SIPA1L2: variants seen among roughly 807,000 people sequenced by gnomAD.
The protein encoded by SIPA1L2 is signal-induced proliferation-associated 1-like protein 2.
Under a neutral mutation model 163.9 loss-of-function variants are expected in SIPA1L2, and 56 were observed. The ratio of observed to expected loss-of-function variants is 0.34; its 90% CI spans 0.28 to 0.43. The LOEUF (loss-of-function observed/expected upper bound fraction) is 0.43, where lower values mean the gene tolerates loss of function less well. SIPA1L2 is among the 20% of genes least tolerant of loss of function. SIPA1L2 has a pLI of 1.00. For missense variants in SIPA1L2, 1,974 were observed against 2,193.5 expected, an observed-to-expected ratio of 0.90 and a Z score of 2.00; for synonymous variants, 877 against 865.7, an observed-to-expected ratio of 1.01 and a Z score of -0.23.
intron 16 of SIPA1L2, among the ~76,000 whole-genome samples, chr1:232,430,510 A>C (rs1320778028): frequency 6.6e-6 from 1 of 152,260 alleles, no homozygotes; most frequent in Non-Finnish European, 1.5e-5. Flanking sequence ...GACACTAAAA[A>C]TATGATGTAC....
chr1:232,624,186 T>C (rs907969417), intron 1 of SIPA1L2, among the ~76,000 whole-genome samples: 3 of 152,146 alleles, frequency 2.0e-5, no homozygotes, highest in Non-Finnish European at 2.9e-5. Context: ...GGGATGCACG[T>C]TGAAAAAAGT....
At chr1:232,435,351 A>C (rs917322348) in intron 15 of SIPA1L2, among the ~76,000 whole-genome samples, 9 of 152,356 alleles carry the variant, frequency 5.9e-5, no homozygotes, top group African/African-American at 2.2e-4. Context: ...GTTAACTTGA[A>C]GAACAAATGT....
intron 2 of SIPA1L2, among the ~76,000 whole-genome samples, chr1:232,558,105 A>G (rs789651): frequency 2.0e-5 from 3 of 152,098 alleles, no homozygotes; most frequent in African/African-American, 7.2e-5. Flanking sequence ...TTTATCTCAC[A>G]CAGTGAAACC....
chr1:232,591,509 G>C (rs1660957285), intron 1 of SIPA1L2, among the ~76,000 whole-genome samples: 1 of 152,256 alleles, frequency 6.6e-6, no homozygotes, highest in South Asian at 2.1e-4. Flanking sequence ...GCTGCCTCTG[G>C]CTGGTCTCCA....
At chr1:232,595,947 AT>A (rs1195170379) in intron 1 of SIPA1L2, among the ~76,000 whole-genome samples, 1 of 152,178 alleles carries the variant, frequency 6.6e-6, no homozygotes, top group African/African-American at 2.4e-5. Flanking sequence ...ATGGTTGACA[AT>A]TACCTTAGAG....
chr1:232,509,233 T>G (rs771243259), intron 3 of SIPA1L2, among the ~76,000 whole-genome samples: 6 of 152,248 alleles, frequency 3.9e-5, no homozygotes, highest in Non-Finnish European at 7.3e-5. Flanking sequence ...TCAGTGATGA[T>G]GTGTCACAGA....
At chr1:232,462,427 G>A (rs1394350767) in intron 9 of SIPA1L2, 4 of 1,406,766 alleles carry the variant, frequency 2.8e-6, no homozygotes, top group Non-Finnish European at 3.7e-6. Flanking sequence ...TACAGCTGTG[G>A]GACTGGGGCT....
intron 22 of SIPA1L2, among the ~76,000 whole-genome samples, chr1:232,400,449 C>A (rs557370286): frequency 7.1e-4 from 108 of 152,284 alleles, no homozygotes; most frequent in Non-Finnish European, 1.2e-3. Context: ...CTAAGTGAAT[C>A]CTGGCTCCCT....
chr1:232,536,671 GA>G (rs1319709332), intron 2 of SIPA1L2, among the ~76,000 whole-genome samples: 5 of 152,066 alleles, frequency 3.3e-5, no homozygotes, highest in Admixed American at 1.3e-4. Context: ...CAAACAAAAC[GA>G]CAGAAGTTCT....
intron 19 of SIPA1L2, among the ~76,000 whole-genome samples, chr1:232,405,684 C>T (rs1258687737): frequency 6.6e-6 from 1 of 152,136 alleles, no homozygotes; most frequent in Non-Finnish European, 1.5e-5. Flanking sequence ...AGTGACTTTA[C>T]TGACCAGAAA....
At chr1:232,614,387 G>A (rs766879924) in intron 1 of SIPA1L2, among the ~76,000 whole-genome samples, 5 of 152,186 alleles carry the variant, frequency 3.3e-5, no homozygotes, top group African/African-American at 4.8e-5. Context: ...AGTTCAGATA[G>A]AGTAGAAACA....
chr1:232,528,802 C>A (rs981043589), intron 2 of SIPA1L2, among the ~76,000 whole-genome samples: 1 of 152,186 alleles, frequency 6.6e-6, no homozygotes, highest in African/African-American at 2.4e-5. Context: ...GCATACCACC[C>A]TCAAATAACA....
intron 18 of SIPA1L2, among the ~76,000 whole-genome samples, chr1:232,416,842 G>A (rs1346472322): frequency 2.0e-5 from 3 of 152,192 alleles, no homozygotes; most frequent in African/African-American, 7.2e-5. Context: ...CTTTGGCTAT[G>A]AATGGACCTT....
intron 5 of SIPA1L2, among the ~76,000 whole-genome samples, chr1:232,490,164 C>G (rs1374074097): frequency 6.6e-6 from 1 of 152,120 alleles, no homozygotes; most frequent in Non-Finnish European, 1.5e-5. Context: ...TCTCGTCTTA[C>G]TTCCCCTACC....
chr1:232,540,806 C>A (rs1201367960), intron 2 of SIPA1L2, among the ~76,000 whole-genome samples: 4 of 152,218 alleles, frequency 2.6e-5, no homozygotes, highest in Non-Finnish European at 2.9e-5. Context: ...AGAATTATCA[C>A]TATCATTATA....
intron 2 of SIPA1L2, among the ~76,000 whole-genome samples, chr1:232,557,528 CCT>C (rs1191606045): frequency 6.6e-6 from 1 of 152,186 alleles, no homozygotes; most frequent in Non-Finnish European, 1.5e-5. Context: ...CAGTGAGTTT[CCT>C]CTCTCACTCT....
intron 1 of SIPA1L2, among the ~76,000 whole-genome samples, chr1:232,578,496 G>A (rs1382736866): frequency 6.6e-6 from 1 of 151,388 alleles, no homozygotes; most frequent in Admixed American, 6.6e-5. Flanking sequence ...TCAAAATTTT[G>A]GGATCTCATT....
chr1:232,462,141 A>G (rs993338665), intron 9 of SIPA1L2: 2 of 1,242,410 alleles, frequency 1.6e-6, no homozygotes, highest in African/African-American at 1.5e-5. Flanking sequence ...GGTGGATTGC[A>G]TCCCACTTGG....
intron 21 of SIPA1L2, 129 bp downstream of exon 21, chr1:232,403,319 T>G (rs1030441377): frequency 8.2e-7 from 1 of 1,217,872 alleles, no homozygotes; most frequent in African/African-American, 1.5e-5. Context: ...CTTCTCTGGA[T>G]TCTTCAGGAC....
Sources: allele counts gnomAD v4.1 joint callset (sites outside exome capture counted in the v4.1 genomes callset), GRCh38; gene constraint gnomAD v4.1.1; transcripts MANE v1.5; gene names NCBI Gene and HGNC (gene_info 2026-07-23, HGNC 2026-07-21).